DLG2: variants seen among roughly 807,000 people sequenced by gnomAD.
DLG2 encodes the protein discs large MAGUK scaffold protein 2.
Under a neutral mutation model 132.5 loss-of-function variants are expected in DLG2, and 45 were observed. The observed-to-expected ratio is 0.34, with a 90% CI of 0.27 to 0.44. The LOEUF is 0.44. Among genes scored for constraint, DLG2 ranks in the 20% least tolerant of loss-of-function variants. DLG2 has a pLI of 1.00. For synonymous variants in DLG2, 424 were observed against 419.6 expected (o/e 1.01, Z -0.13); for missense variants, 1,045 against 1,196.9 (o/e 0.87, Z 1.87).
At chr11:84,118,743 GAAAT>G (rs1436605483) in intron 9 of DLG2, among the ~76,000 whole-genome samples, 1 of 152,182 alleles carries the variant, frequency 6.6e-6, no homozygotes, top group African/African-American at 2.4e-5. Flanking sequence ...ATTTGCGGTA[GAAAT>G]AAAATTCATT....
intron 8 of DLG2, among the ~76,000 whole-genome samples, chr11:84,183,234 A>G (rs2096189490): frequency 2.0e-5 from 3 of 152,218 alleles, no homozygotes; most frequent in Admixed American, 1.3e-4. Flanking sequence ...TTTCTAACTC[A>G]TAAATACTTT....
intron 18 of DLG2, among the ~76,000 whole-genome samples, chr11:83,741,243 C>T (rs1180078069): frequency 6.6e-6 from 1 of 152,052 alleles, no homozygotes; most frequent in Non-Finnish European, 1.5e-5. Flanking sequence ...AGAACTGGAA[C>T]AAGACAAGGA....
At chr11:84,278,098 G>A (rs1376167787) in intron 7 of DLG2, among the ~76,000 whole-genome samples, 1 of 132,698 alleles carries the variant, frequency 7.5e-6, no homozygotes. Flanking sequence ...TTGTTGCCCA[G>A]GCTGGTCCTG....
chr11:84,569,985 T>C (rs1440489178), intron 6 of DLG2, among the ~76,000 whole-genome samples: 2 of 152,320 alleles, frequency 1.3e-5, no homozygotes, highest in Middle Eastern at 3.4e-3. Context: ...ACATTTGTGT[T>C]CTCAGTTATG....
At chr11:85,202,249 T>G (rs1292101972) in intron 4 of DLG2, among the ~76,000 whole-genome samples, 2 of 97,306 alleles carry the variant, frequency 2.1e-5, no homozygotes, top group Non-Finnish European at 4.1e-5. Context: ...TAAGAATAAC[T>G]TAAGACATAT....
At chr11:84,089,426 T>C (rs2097051860) in intron 10 of DLG2, among the ~76,000 whole-genome samples, 1 of 152,186 alleles carries the variant, frequency 6.6e-6, no homozygotes, top group Non-Finnish European at 1.5e-5. Flanking sequence ...TCTGTCTTTC[T>C]CATCGTGTTC....
intron 6 of DLG2, among the ~76,000 whole-genome samples, chr11:84,557,328 C>T (rs543892617): frequency 6.6e-6 from 1 of 152,010 alleles, no homozygotes; most frequent in Admixed American, 6.6e-5. Context: ...TGCTTAGTGC[C>T]TATTGAAGAG....
At chr11:84,916,672 G>A (rs903939091) in intron 6 of DLG2, among the ~76,000 whole-genome samples, 39 of 152,040 alleles carry the variant, frequency 2.6e-4, no homozygotes, top group African/African-American at 8.5e-4. Context: ...TTTCAACATA[G>A]CAACCTGAGT....
intron 6 of DLG2, among the ~76,000 whole-genome samples, chr11:85,064,657 G>A (rs1448180915): frequency 6.6e-6 from 1 of 151,698 alleles, no homozygotes; most frequent in Non-Finnish European, 1.5e-5. Flanking sequence ...AAGCTGTTTG[G>A]TCAAACACTA....
At chr11:85,140,459 T>C (rs2076393716) in intron 5 of DLG2, among the ~76,000 whole-genome samples, 1 of 151,938 alleles carries the variant, frequency 6.6e-6, no homozygotes, top group Admixed American at 6.6e-5. Context: ...GAGTACATGA[T>C]AGTTATATAT....
At chr11:83,782,029 C>G (rs2153871231) in intron 18 of DLG2, among the ~76,000 whole-genome samples, 1 of 152,164 alleles carries the variant, frequency 6.6e-6, no homozygotes, top group East Asian at 1.9e-4. Flanking sequence ...TATCTTTGTG[C>G]TATATTTCAA....
chr11:85,302,530 C>A (rs1273263046), intron 3 of DLG2, among the ~76,000 whole-genome samples: 1 of 151,816 alleles, frequency 6.6e-6, no homozygotes, highest in Non-Finnish European at 1.5e-5. Context: ...GAGCACCTGA[C>A]CTGAGACTAG....
intron 24 of DLG2, among the ~76,000 whole-genome samples, chr11:83,471,257 G>A (rs1347706968): frequency 6.6e-6 from 1 of 151,906 alleles, no homozygotes; most frequent in Non-Finnish European, 1.5e-5. Context: ...CTTTGTTTCC[G>A]ATCTCTTCCA....
chr11:84,288,678 A>T (rs79854165), intron 7 of DLG2, among the ~76,000 whole-genome samples: 1 of 151,968 alleles, frequency 6.6e-6, no homozygotes, highest in Non-Finnish European at 1.5e-5. Context: ...CAACAGAAAA[A>T]CCCCTAAATG....
intron 3 of DLG2, among the ~76,000 whole-genome samples, chr11:85,432,687 A>C (rs1236191684): frequency 6.6e-6 from 1 of 152,194 alleles, no homozygotes; most frequent in East Asian, 1.9e-4. Context: ...GACCGCAGCT[A>C]CAACTGATTA....
At chr11:84,192,027 C>T (rs781368000) in intron 8 of DLG2, among the ~76,000 whole-genome samples, 3 of 139,362 alleles carry the variant, frequency 2.2e-5, no homozygotes, top group Non-Finnish European at 4.9e-5. Context: ...TACAGATTTG[C>T]TAGAACATAA....
intron 8 of DLG2, among the ~76,000 whole-genome samples, chr11:84,235,448 G>A (rs1265207544): frequency 6.6e-6 from 1 of 151,956 alleles, no homozygotes; most frequent in South Asian, 2.1e-4. Flanking sequence ...AGAGCCTAAG[G>A]CAGAAGGATC....
intron 9 of DLG2, among the ~76,000 whole-genome samples, chr11:84,153,927 CT>C (rs2154253629): frequency 6.6e-6 from 1 of 152,316 alleles, no homozygotes; most frequent in Admixed American, 6.5e-5. Flanking sequence ...AGTTTATGCA[CT>C]GATTCTTTCT....
At chr11:83,782,898 G>C (rs2094893563) in intron 18 of DLG2, among the ~76,000 whole-genome samples, 1 of 152,138 alleles carries the variant, frequency 6.6e-6, no homozygotes, top group Non-Finnish European at 1.5e-5. Flanking sequence ...ATGTGTGTAA[G>C]ACATTATATT....
Sources: gnomAD v4.1 joint callset for allele counts (sites outside exome capture counted in the v4.1 genomes callset) on GRCh38, gnomAD v4.1.1 for gene constraint, MANE v1.5 for transcripts, NCBI Gene and HGNC (gene_info 2026-07-23, HGNC 2026-07-21) for gene names.